The following CACNA2D1 variants were observed in gnomAD, a reference collection of about 807,000 sequenced individuals.
CACNA2D1 encodes the protein voltage-dependent calcium channel subunit alpha-2/delta-1.
Under a neutral mutation model 171.5 loss-of-function variants are expected in CACNA2D1, and 53 were observed. The ratio of observed to expected loss-of-function variants is 0.31; its 90% confidence interval spans 0.25 to 0.39. The LOEUF is 0.39. Among genes scored for constraint, CACNA2D1 ranks in the 10% least tolerant of loss-of-function variants. The pLI is 1.00. For synonymous variants in CACNA2D1, 442 were observed against 443.1 expected, an observed-to-expected ratio of 1.00 and a Z score of 0.03; for missense variants, 903 against 1,299.8, an observed-to-expected ratio of 0.69 and a Z score of 4.69.
At position 82,072,052 on chromosome 7, in the gene CACNA2D1, C is replaced by T. The variant is rs79431222; in HGVS notation, c.659-5528G>A. Among the ~76,000 whole-genome samples, 926 of 152,114 alleles carry T rather than the reference C, an allele frequency of 6.1e-3. 10 individuals carry two copies. The highest frequency in any genetic ancestry group is 0.021 in the African/African-American group (872 of 41,488). On this transcript the variant is annotated intron_variant, in intron 7 of 38. Transcript: ENST00000356860. The stretch of plus-strand genomic sequence containing the variant: ...ACCTATTCGGTAGGAATTTTTCCTC[C>T]GAGTATTTTTTAAATGTTTCCTTTG...
intron 3 of CACNA2D1, among the ~76,000 whole-genome samples, chr7:82,253,284 T>C (rs1805891599): frequency 6.6e-6 from 1 of 152,120 alleles, no homozygotes; most frequent in South Asian, 2.1e-4. Context: ...CACAGGGCTG[T>C]GAGAATCTAA....
At chr7:82,066,150 A>G (rs1807572111) in intron 8 of CACNA2D1, among the ~76,000 whole-genome samples, 1 of 152,140 alleles carries the variant, frequency 6.6e-6, no homozygotes, top group Non-Finnish European at 1.5e-5. Flanking sequence ...CTCTACTCCA[A>G]GCAAACTGGA....
intron 3 of CACNA2D1, among the ~76,000 whole-genome samples, chr7:82,301,561 G>A (rs1033434238): frequency 6.6e-6 from 1 of 152,112 alleles, no homozygotes; most frequent in African/African-American, 2.4e-5. Context: ...CGAAAAAAGA[G>A]TTGTTAAGAG....
chr7:82,330,069 C>T (rs1457525932), intron 3 of CACNA2D1, among the ~76,000 whole-genome samples: 1 of 69,394 alleles, frequency 1.4e-5, no homozygotes, highest in African/African-American at 8.8e-5. Context: ...AGCCCCCACC[C>T]CCAACAAAAA....
At chr7:82,056,009 TAAAAAAAAAA>T (rs61512655) in intron 10 of CACNA2D1, among the ~76,000 whole-genome samples, 15 of 42,196 alleles carry the variant, frequency 3.6e-4, no homozygotes, top group Admixed American at 1.5e-3. Context: ...ACTCAAAAGT[TAAAAAAAAAA>T]AAAAAAAAAA....
intron 3 of CACNA2D1, among the ~76,000 whole-genome samples, chr7:82,259,963 C>T (rs1285183532): frequency 6.6e-6 from 1 of 152,150 alleles, no homozygotes; most frequent in East Asian, 1.9e-4. Context: ...TGGCTCATGC[C>T]TATAATCCCA....
chr7:82,201,634 A>G (rs986956367), intron 3 of CACNA2D1, among the ~76,000 whole-genome samples: 1 of 152,196 alleles, frequency 6.6e-6, no homozygotes, highest in Non-Finnish European at 1.5e-5. Flanking sequence ...CCTTCTCTAA[A>G]GAATGACCCT....
chr7:81,971,954 A>G (rs949661455), intron 25 of CACNA2D1, 90 bp from the exon 26 acceptor site: 1 of 807,410 alleles, frequency 1.2e-6, no homozygotes, highest in South Asian at 1.5e-5. Flanking sequence ...AAAGCAATTT[A>G]GAGTAGATAT....
chr7:82,424,470 AT>A (rs1829005862), intron 1 of CACNA2D1, among the ~76,000 whole-genome samples: 3 of 152,338 alleles, frequency 2.0e-5, no homozygotes, highest in South Asian at 4.1e-4. Flanking sequence ...TTACATACTG[AT>A]TCAAATGAAA....
intron 21 of CACNA2D1, 120 bp downstream of exon 21, chr7:81,991,065 T>C: frequency 1.6e-6 from 1 of 634,064 alleles, no homozygotes; most frequent in East Asian, 2.7e-5. Flanking sequence ...TCTATAAGTT[T>C]AGTATGTTTT....
intron 3 of CACNA2D1, among the ~76,000 whole-genome samples, chr7:82,232,794 G>A (rs1339468552): frequency 6.8e-6 from 1 of 147,824 alleles, no homozygotes; most frequent in Non-Finnish European, 1.5e-5. Context: ...AATCCGGGAG[G>A]CAGAGGTTGC....
chr7:82,388,701 C>T lies in CACNA2D1; in HGVS notation c.96-39052G>A, dbSNP rs558916655. On this transcript the variant is annotated intron_variant, in intron 1 of 38. Coordinates refer to ENST00000356860, the MANE Select transcript of CACNA2D1 (RefSeq NM_000722.4). ...CTGTACAGTGTGCACCTTCTGCAGACGAGAAAAGAATGCTTAAGTTTACTG... is the reference window on the plus strand; with the variant it reads ...CTGTACAGTGTGCACCTTCTGCAGATGAGAAAAGAATGCTTAAGTTTACTG... 6.6e-5 allele frequency among the ~76,000 whole-genome samples: 10 copies of T among 152,232 alleles called. No homozygotes were observed. The South Asian group carries it at 1.2e-3, about 19-fold the overall frequency.
chr7:82,227,800 T>C (rs1240498630), intron 3 of CACNA2D1, among the ~76,000 whole-genome samples: 1 of 152,180 alleles, frequency 6.6e-6, no homozygotes, highest in African/African-American at 2.4e-5. Flanking sequence ...ATTCCCAGTA[T>C]CCAATACTCA....
intron 12 of CACNA2D1, among the ~76,000 whole-genome samples, chr7:82,026,483 A>C (rs73705445): frequency 0.017 from 2,635 of 151,834 alleles, 68 homozygotes; most frequent in African/African-American, 0.061. Flanking sequence ...TATTTTACTA[A>C]ATCTATCGAA....
At chr7:82,350,267 A>G (rs1451350047) in intron 1 of CACNA2D1, among the ~76,000 whole-genome samples, 1 of 152,204 alleles carries the variant, frequency 6.6e-6, no homozygotes, top group African/African-American at 2.4e-5. Flanking sequence ...ATTCCATAAT[A>G]TACTTGATTA....
intron 16 of CACNA2D1, among the ~76,000 whole-genome samples, chr7:82,007,387 CAAT>C (rs1252229246): frequency 6.6e-6 from 1 of 152,044 alleles, no homozygotes; most frequent in Non-Finnish European, 1.5e-5. Context: ...AATGTGCACA[CAAT>C]ATTACTGTCC....
rs553366071 is a variant in CACNA2D1, at chr7:82,297,237, C to T, written c.294+37898G>A. Among the ~76,000 whole-genome samples the T allele has an allele frequency of 2.0e-5, 3 of 150,410 alleles. No individual in the cohort carries two copies. The South Asian group carries it at 6.2e-4, about 31-fold the overall frequency. On this transcript the variant is annotated intron_variant, in intron 3 of 38. Coordinates refer to ENST00000356860, the MANE Select transcript of CACNA2D1 (RefSeq NM_000722.4). ...TGCACTCCAGCCTGAGCAACAGAGA[C>T]CCTGTCTCAAAAAATAAACAAATAG...
At chr7:82,043,683 C>G (rs1804213913) in intron 10 of CACNA2D1, among the ~76,000 whole-genome samples, 1 of 152,156 alleles carries the variant, frequency 6.6e-6, no homozygotes, top group Non-Finnish European at 1.5e-5. Context: ...TCTATTTTTG[C>G]TCTAATTTCC....
At chr7:82,090,385 G>A (rs187409206) in intron 6 of CACNA2D1, among the ~76,000 whole-genome samples, 1 of 152,038 alleles carries the variant, frequency 6.6e-6, no homozygotes, top group Non-Finnish European at 1.5e-5. Flanking sequence ...ATATGTAAGG[G>A]ACTAGATACT....
Sources: allele counts gnomAD v4.1 joint callset (sites outside exome capture counted in the v4.1 genomes callset), GRCh38; gene constraint gnomAD v4.1.1; transcripts MANE v1.5; gene names NCBI Gene and HGNC (gene_info 2026-07-23, HGNC 2026-07-21).